Variants in FBN2 observed in about 807,000 individuals in gnomAD.
FBN2 encodes fibrillin 2, also known as fibrillin-2.
A neutral mutation model predicts 355.6 loss-of-function variants in FBN2; 105 were observed. The ratio of observed to expected loss-of-function variants is 0.30; its 90% confidence interval spans 0.25 to 0.35. FBN2 has a LOEUF of 0.35. FBN2 is among the 10% of genes least tolerant of loss of function. The pLI is 1.00. For synonymous variants in FBN2, 1,350 were observed against 1,301.2 expected (o/e 1.04, Z -0.81); for missense variants, 3,280 against 3,758.7 (o/e 0.87, Z 3.33).
chr5:128,494,827 T>A (rs1755611716), intron 5 of FBN2, among the ~76,000 whole-genome samples: 1 of 152,128 alleles, frequency 6.6e-6, no homozygotes, highest in Non-Finnish European at 1.5e-5. Context: ...GTGTGGGCAG[T>A]ATCAAAAGGT....
At chr5:128,326,977 A>C (rs893141161) in intron 34 of FBN2, among the ~76,000 whole-genome samples, 3 of 152,172 alleles carry the variant, frequency 2.0e-5, no homozygotes, top group East Asian at 3.9e-4. Flanking sequence ...GGTATAAAGA[A>C]TTTATGTTGT....
chr5:128,397,359 A>T (rs1752676505), intron 8 of FBN2, among the ~76,000 whole-genome samples: 1 of 152,226 alleles, frequency 6.6e-6, no homozygotes, highest in Admixed American at 6.5e-5. Flanking sequence ...TATAAAACAC[A>T]ATCAGTGCTA....
chr5:128,500,427 A>ATTTTTTTTT (rs1312943529), intron 5 of FBN2, among the ~76,000 whole-genome samples: 8 of 107,504 alleles, frequency 7.4e-5, no homozygotes, highest in Non-Finnish European at 1.1e-4. Context: ...GACTCTGACA[A>ATTTTTTTTT]TTCTTTTTTT....
At chr5:128,439,323 C>A (rs1212960464) in intron 7 of FBN2, among the ~76,000 whole-genome samples, 1 of 152,028 alleles carries the variant, frequency 6.6e-6, no homozygotes, top group Admixed American at 6.6e-5. Flanking sequence ...CTAAATTGCC[C>A]TCTATATAGG....
chr5:128,267,318 T>C (rs1311211160), intron 62 of FBN2, among the ~76,000 whole-genome samples: 2 of 152,204 alleles, frequency 1.3e-5, no homozygotes, highest in Non-Finnish European at 2.9e-5. Context: ...ATGATCTATA[T>C]TCCTGTGGGT....
intron 4 of FBN2, among the ~76,000 whole-genome samples, chr5:128,526,309 G>A (rs1395728319): frequency 6.6e-6 from 1 of 152,070 alleles, no homozygotes; most frequent in African/African-American, 2.4e-5. Context: ...AGGAATGGAA[G>A]ACAGTGCAGC....
intron 5 of FBN2, among the ~76,000 whole-genome samples, chr5:128,514,199 G>T (rs1422181416): frequency 6.6e-6 from 1 of 152,116 alleles, no homozygotes; most frequent in Non-Finnish European, 1.5e-5. Context: ...AGGGTAATTG[G>T]TCATGAATTA....
At chr5:128,264,299 C>T (rs549727220) in intron 62 of FBN2, among the ~76,000 whole-genome samples, 2 of 151,322 alleles carry the variant, frequency 1.3e-5, no homozygotes, top group African/African-American at 2.4e-5. Flanking sequence ...TAAATGAAAA[C>T]GATGGAAAAC....
chr5:128,338,256 A>G (rs1184429412), intron 26 of FBN2, 134 bp from the exon 27 acceptor site: 2 of 904,104 alleles, frequency 2.2e-6, no homozygotes, highest in Non-Finnish European at 3.5e-6. Context: ...AGGAGATGGG[A>G]TAACGCTTTC....
chr5:128,376,650 G>T, intron 14 of FBN2, 81 bp downstream of exon 14: 1 of 1,501,918 alleles, frequency 6.7e-7, no homozygotes, highest in African/African-American at 1.4e-5. Flanking sequence ...TGGGGAAGCT[G>T]AAGTAATTCT....
intron 7 of FBN2, among the ~76,000 whole-genome samples, chr5:128,439,957 C>T (rs1753872632): frequency 6.6e-6 from 1 of 151,838 alleles, no homozygotes; most frequent in Non-Finnish European, 1.5e-5. Flanking sequence ...CACATAGATC[C>T]AAATTTATCT....
intron 6 of FBN2, among the ~76,000 whole-genome samples, chr5:128,451,466 C>A (rs537729423): frequency 5.6e-4 from 85 of 152,166 alleles, no homozygotes; most frequent in African/African-American, 2.0e-3. Flanking sequence ...ATGGTGCGAT[C>A]TCGGCTCCCT....
rs576501460 is a variant in FBN2, at chr5:128,277,966, T to C, written c.7385A>G (p.Asn2462Ser). ...GCCCATGGTATTGATGCACTGACCATTGGTGCAGAGGTTTGGCATTACCTT... is the reference window on the plus strand; with the variant it reads ...GCCCATGGTATTGATGCACTGACCACTGGTGCAGAGGTTTGGCATTACCTT... Reference protein sequence around the residue: ...ECKVMPNLCTNGQCINTMGSF... With the variant: ...ECKVMPNLCTSGQCINTMGSF... The change falls in exon 58 of 65, where the codon AAT (asparagine) becomes AGT (serine). Residue 2462 changes from asparagine (N) to serine (S), a missense_variant. Coordinates refer to ENST00000262464, the MANE Select transcript of FBN2 (RefSeq NM_001999.4). The C allele has an allele frequency of 4.2e-5, 68 of 1,614,004 alleles. No homozygotes were observed. The South Asian group carries it at 5.4e-4, about 13-fold the overall frequency.
At chr5:128,394,087 T>C (rs952029609) in intron 9 of FBN2, among the ~76,000 whole-genome samples, 2 of 152,184 alleles carry the variant, frequency 1.3e-5, no homozygotes, top group Non-Finnish European at 2.9e-5. Context: ...CTAATAGATT[T>C]TGGTATTTTA....
At chr5:128,413,226 T>C (rs1248872272) in intron 7 of FBN2, among the ~76,000 whole-genome samples, 1 of 152,222 alleles carries the variant, frequency 6.6e-6, no homozygotes, top group Admixed American at 6.5e-5. Flanking sequence ...TTTGAAGTTA[T>C]GGCAACATAT....
At chr5:128,394,131 T>A (rs1326244853) in intron 9 of FBN2, among the ~76,000 whole-genome samples, 1 of 152,222 alleles carries the variant, frequency 6.6e-6, no homozygotes, top group Non-Finnish European at 1.5e-5. Flanking sequence ...GATTAATGTG[T>A]CATGATATCT....
chr5:128,357,366 C>T lies in FBN2; in HGVS notation c.2584G>A (p.Val862Ile). The change falls in exon 20 of 65, where the codon GTC becomes ATC. Residue 862 changes from valine (V) to isoleucine (I), a missense_variant. Val to Ile is a conservative substitution (Grantham distance 29, BLOSUM62 3). Coordinates refer to ENST00000262464, the MANE Select transcript of FBN2 (RefSeq NM_001999.4). ...DINECESNPC[V>I]NGACRNNLGS... ...AGGTTGTTTCTGCAGGCCCCATTGA[C>T]ACATGGGTTGCTTTCACATTCATTT... 2 of 1,613,782 alleles carry T rather than the reference C, an allele frequency of 1.2e-6. No individual in the cohort carries two copies. Among genetic ancestry groups the T allele is most frequent in the Non-Finnish European group, 8.5e-7 (1 of 1,179,716 alleles).
intron 5 of FBN2, among the ~76,000 whole-genome samples, chr5:128,487,273 C>T (rs544244519): frequency 6.6e-6 from 1 of 152,106 alleles, no homozygotes; most frequent in Non-Finnish European, 1.5e-5. Context: ...ACCAAAGTTC[C>T]CCTGCCAACT....
chr5:128,318,772 ACCTAATGCATAG>A, intron 35 of FBN2, 95 bp downstream of exon 35: 1 of 1,150,856 alleles, frequency 8.7e-7, no homozygotes, highest in Non-Finnish European at 1.3e-6. Context: ...AAAATGTGTA[ACCTAATGCATAG>A]ATTAGCTAAG....
Sources: allele counts gnomAD v4.1 joint callset (sites outside exome capture counted in the v4.1 genomes callset), GRCh38; gene constraint gnomAD v4.1.1; transcripts MANE v1.5; gene names NCBI Gene and HGNC (gene_info 2026-07-23, HGNC 2026-07-21).